Variants in STARD13 observed in about 807,000 individuals in gnomAD.
The protein encoded by STARD13 is StAR related lipid transfer domain containing 13.
STARD13 carries 62 observed loss-of-function variants against 106.4 expected under a neutral mutation model. That is an observed-to-expected ratio of 0.58 (90% CI 0.48 to 0.72). The LOEUF is 0.72. Ranked by LOEUF, STARD13 falls within the 30% of genes least tolerant of loss-of-function variation. The pLI is 0.00. For synonymous variants in STARD13, 565 were observed against 553.0 expected, an observed-to-expected ratio of 1.02 and a Z score of -0.31; for missense variants, 1,387 against 1,424.0, an observed-to-expected ratio of 0.97 and a Z score of 0.42.
chr13:33,637,625 C>T, the STARD13 span, among the ~76,000 whole-genome samples: 6 of 152,272 alleles, frequency 3.9e-5, no homozygotes, highest in South Asian at 6.2e-4. Flanking sequence ...ACATGTGATC[C>T]AACTTTCAAC....
upstream of STARD13, chr13:33,350,758 C>T (rs2078070831): frequency 3.9e-6 from 3 of 778,034 alleles, no homozygotes; most frequent in South Asian, 1.0e-4. Flanking sequence ...GCGCCCCACT[C>T]CTTCCAGGAG....
At chr13:33,457,672 T>G in the STARD13 span, among the ~76,000 whole-genome samples, 1 of 152,204 alleles carries the variant, frequency 6.6e-6, no homozygotes, top group African/African-American at 2.4e-5. Flanking sequence ...AGAATTGGTG[T>G]CTGCTGAGTG....
chr13:33,366,242 ATTAAGAAAGC>A, the STARD13 span, among the ~76,000 whole-genome samples: 8 of 152,156 alleles, frequency 5.3e-5, no homozygotes, highest in Admixed American at 5.2e-4. This position sits in a 1 kb window ranked among gnomAD's most constrained non-coding sequence, Gnocchi z 4.2. Context: ...TTGCCATTCT[ATTAAGAAAGC>A]TTAAGAAAGA....
chr13:33,521,407 T>C, the STARD13 span, among the ~76,000 whole-genome samples: 49 of 152,158 alleles, frequency 3.2e-4, no homozygotes, highest in African/African-American at 1.0e-3. Context: ...TAGAAGTGAG[T>C]TGACTCTTTA....
intron 1 of STARD13, among the ~76,000 whole-genome samples, chr13:33,255,002 G>A (rs189101927): frequency 7.9e-4 from 120 of 152,274 alleles, no homozygotes; most frequent in Non-Finnish European, 1.4e-3. Context: ...GGTCCACTGA[G>A]CTGGATAACA....
the STARD13 span, among the ~76,000 whole-genome samples, chr13:33,556,406 G>C: frequency 6.6e-6 from 1 of 151,866 alleles, no homozygotes; most frequent in Non-Finnish European, 1.5e-5. Context: ...CAAGGCTCCT[G>C]AGTGACTGAG....
the STARD13 span, among the ~76,000 whole-genome samples, chr13:33,667,619 T>C: frequency 1.3e-5 from 2 of 152,350 alleles, no homozygotes; most frequent in East Asian, 3.9e-4. Context: ...TTAGATAATG[T>C]ATCATTAAGA....
At chr13:33,492,360 G>A in the STARD13 span, among the ~76,000 whole-genome samples, 8 of 152,264 alleles carry the variant, frequency 5.3e-5, no homozygotes, top group East Asian at 1.9e-4. Context: ...TGTCAGAGGC[G>A]TGTGAACCAG....
intron 1 of STARD13, among the ~76,000 whole-genome samples, chr13:33,283,908 G>A (rs1215463015): frequency 6.6e-6 from 1 of 152,070 alleles, no homozygotes; most frequent in African/African-American, 2.4e-5. Flanking sequence ...CATCTAAGGA[G>A]GTCTGCAAAG....
chr13:33,143,325 C>A (rs546830396), intron 3 of STARD13, among the ~76,000 whole-genome samples: 1 of 152,040 alleles, frequency 6.6e-6, no homozygotes, highest in Non-Finnish European at 1.5e-5. Flanking sequence ...TGACTTCTAT[C>A]ATCCGTAGAT....
rs4394951 is a variant in STARD13 at position 33,281,975 on chromosome 13, T to C, written c.169+3495A>G. On this transcript the variant is annotated intron_variant, in intron 1 of 13. Coordinates refer to ENST00000336934, the MANE Select transcript of STARD13 (RefSeq NM_178006.4). Reference sequence around the variant, plus strand: ...ACCATACATTTAAAAATGGTTAAGATGGCAAAATTAATGTATTGTGTATTT... The same window carrying C: ...ACCATACATTTAAAAATGGTTAAGACGGCAAAATTAATGTATTGTGTATTT... 6.7e-3 allele frequency among the ~76,000 whole-genome samples: 1,024 copies of C among 152,224 alleles called. 33 individuals carry two copies. The highest frequency in any genetic ancestry group is 0.057 in the Admixed American group (874 of 15,278).
chr13:33,354,143 A>G (rs1208924941), upstream of STARD13, among the ~76,000 whole-genome samples: 1 of 152,098 alleles, frequency 6.6e-6, no homozygotes, highest in Non-Finnish European at 1.5e-5. Flanking sequence ...CATACATCCT[A>G]TGCTGCTTCA....
the STARD13 span, among the ~76,000 whole-genome samples, chr13:33,620,191 G>A: frequency 6.6e-6 from 1 of 151,372 alleles, no homozygotes; most frequent in South Asian, 2.1e-4. Flanking sequence ...AAAGAATACA[G>A]CAAATTTGAA....
At chr13:33,195,028 T>A (rs1886516541) in intron 1 of STARD13, among the ~76,000 whole-genome samples, 2 of 152,194 alleles carry the variant, frequency 1.3e-5, no homozygotes, top group African/African-American at 4.8e-5. Flanking sequence ...AGAACTTTTA[T>A]GAGATTCTAG....
intron 5 of STARD13, among the ~76,000 whole-genome samples, chr13:33,128,372 C>T (rs945834608): frequency 2.0e-5 from 3 of 152,266 alleles, no homozygotes; most frequent in African/African-American, 4.8e-5. Flanking sequence ...CACACCCTTG[C>T]CTCAACCAGA....
the STARD13 span, among the ~76,000 whole-genome samples, chr13:33,591,892 C>T: frequency 6.6e-6 from 1 of 152,190 alleles, no homozygotes; most frequent in African/African-American, 2.4e-5. Context: ...GTGATGTTCA[C>T]TCATTAATTA....
chr13:33,106,350 G>C (rs1873703868), intron 13 of STARD13, among the ~76,000 whole-genome samples: 1 of 152,234 alleles, frequency 6.6e-6, no homozygotes. Context: ...GAGCCCAGGA[G>C]GTGGAGGTTG....
At chr13:33,279,004 A>G (rs184672750) in intron 1 of STARD13, among the ~76,000 whole-genome samples, 1 of 152,282 alleles carries the variant, frequency 6.6e-6, no homozygotes, top group Admixed American at 6.5e-5. Flanking sequence ...GGGAGACGGC[A>G]AATATTTTTT....
chr13:33,337,863 C>G (rs1372014622), intron 1 of STARD13, among the ~76,000 whole-genome samples: 2 of 152,258 alleles, frequency 1.3e-5, no homozygotes. Flanking sequence ...GCCTTCCATT[C>G]AATAATTATT....
Sources: allele counts gnomAD v4.1 joint callset (sites outside exome capture counted in the v4.1 genomes callset), GRCh38; gene constraint gnomAD v4.1.1; non-coding constraint Gnocchi (gnomAD v3.1); transcripts MANE v1.5; gene names NCBI Gene and HGNC (gene_info 2026-07-23, HGNC 2026-07-21).